Variants in DNAH11 observed in about 807,000 individuals in gnomAD.
DNAH11 encodes dynein axonemal heavy chain 11.
In DNAH11, 442 loss-of-function variants were observed where a neutral mutation model predicts 526.0. The observed-to-expected ratio is 0.84, with a 90% CI of 0.78 to 0.91. The LOEUF (loss-of-function observed/expected upper bound fraction) is 0.91, where lower values mean the gene tolerates loss of function less well. DNAH11 is among the 40% of genes least tolerant of loss of function. The pLI, the probability that DNAH11 is intolerant of heterozygous loss-of-function variation, is 0.00. For missense variants in DNAH11, 6,989 were observed against 5,448.7 expected (o/e 1.28, Z -8.90); for synonymous variants, 2,461 against 1,935.9 (o/e 1.27, Z -7.12).
intron 75 of DNAH11, among the ~76,000 whole-genome samples, chr7:21,882,692 G>A (rs1341393494): frequency 2.0e-5 from 3 of 152,118 alleles, no homozygotes; most frequent in Non-Finnish European, 4.4e-5. Context: ...AGCTATTTAG[G>A]AGACTGAGGT....
chr7:21,834,039 G>A (rs11973100), intron 65 of DNAH11, among the ~76,000 whole-genome samples: 11,324 of 152,082 alleles, frequency 0.074, 1,293 homozygotes, highest in African/African-American at 0.25. Context: ...ACCCAATAGC[G>A]CAGAATATAT....
At chr7:21,593,505 ATGTT>A (rs1181386728) in intron 14 of DNAH11, among the ~76,000 whole-genome samples, 1 of 152,122 alleles carries the variant, frequency 6.6e-6, no homozygotes, top group Admixed American at 6.6e-5. Flanking sequence ...ATGTTTCAGG[ATGTT>A]TGTATGTTAA....
intron 55 of DNAH11, among the ~76,000 whole-genome samples, chr7:21,769,271 G>A (rs2127976218): frequency 6.6e-6 from 1 of 152,164 alleles, no homozygotes. Context: ...GACCTCATAA[G>A]TAGGGTCCAG....
chr7:21,891,779 G>A (rs1784334968), intron 76 of DNAH11, among the ~76,000 whole-genome samples: 1 of 152,118 alleles, frequency 6.6e-6, no homozygotes, highest in Non-Finnish European at 1.5e-5. Context: ...ACTTTGCTGT[G>A]AGTAGCTCAA....
At chr7:21,793,258 T>G (rs1336817475) in intron 61 of DNAH11, among the ~76,000 whole-genome samples, 1 of 152,220 alleles carries the variant, frequency 6.6e-6, no homozygotes, top group African/African-American at 2.4e-5. Flanking sequence ...TTTTTTGAAT[T>G]TGTAGAGACC....
intron 54 of DNAH11, among the ~76,000 whole-genome samples, chr7:21,758,280 A>C (rs1048393066): frequency 6.6e-6 from 1 of 152,368 alleles, no homozygotes; most frequent in Non-Finnish European, 1.5e-5. Context: ...GAGAAAGACA[A>C]AAGGTGCAAC....
chr7:21,713,245 C>T (rs749378441), intron 42 of DNAH11, among the ~76,000 whole-genome samples: 4 of 152,182 alleles, frequency 2.6e-5, no homozygotes, highest in Non-Finnish European at 5.9e-5. Context: ...CTGTTTACCT[C>T]TCTGGACACA....
chr7:21,648,560 G>A (rs1260833287), intron 28 of DNAH11, among the ~76,000 whole-genome samples: 1 of 152,162 alleles, frequency 6.6e-6, no homozygotes, highest in East Asian at 1.9e-4. Flanking sequence ...CATGAGAGAA[G>A]CCACCGATCA....
intron 61 of DNAH11, 125 bp downstream of exon 61, chr7:21,789,467 G>C: frequency 3.2e-6 from 2 of 617,616 alleles, no homozygotes; most frequent in Non-Finnish European, 5.7e-6. Flanking sequence ...GATCTTCCAT[G>C]AGTGTATTTC....
At chr7:21,850,065 A>G (rs1782564916) in intron 66 of DNAH11, among the ~76,000 whole-genome samples, 1 of 151,748 alleles carries the variant, frequency 6.6e-6, no homozygotes, top group African/African-American at 2.4e-5. Context: ...GCCCGTCAAA[A>G]ACATTCTTCA....
chr7:21,810,120 C>T (rs187726566), intron 63 of DNAH11, among the ~76,000 whole-genome samples: 40 of 152,230 alleles, frequency 2.6e-4, no homozygotes, highest in Admixed American at 1.4e-3. Context: ...TAAAGTGTAG[C>T]ATTTTATATG....
intron 76 of DNAH11, among the ~76,000 whole-genome samples, chr7:21,890,326 T>C (rs893403089): frequency 6.6e-6 from 1 of 152,210 alleles, no homozygotes; most frequent in Non-Finnish European, 1.5e-5. Context: ...GTCACATGTC[T>C]ATAAAGACTG....
chr7:21,631,720 G>A (rs1378749821), intron 25 of DNAH11, among the ~76,000 whole-genome samples: 1 of 152,218 alleles, frequency 6.6e-6, no homozygotes, highest in East Asian at 1.9e-4. Context: ...CGCCTCTGTG[G>A]CTTTTTGGGG....
intron 2 of DNAH11, among the ~76,000 whole-genome samples, 191 bp from the exon 3 acceptor site, chr7:21,558,611 C>T (rs1783315053): frequency 6.6e-6 from 1 of 152,192 alleles, no homozygotes; most frequent in Non-Finnish European, 1.5e-5. Context: ...TATGCTAATT[C>T]CACTTTGACA....
At chr7:21,774,929 C>T (rs1296898960) in intron 56 of DNAH11, among the ~76,000 whole-genome samples, 1 of 152,174 alleles carries the variant, frequency 6.6e-6, no homozygotes, top group Non-Finnish European at 1.5e-5. Flanking sequence ...GTCAGACTCT[C>T]ATATGCTTTA....
chr7:21,750,440 T>C, intron 54 of DNAH11, 76 bp downstream of exon 54: 1 of 1,517,034 alleles, frequency 6.6e-7, no homozygotes, highest in Non-Finnish European at 8.9e-7. Flanking sequence ...CTGAGTTTTT[T>C]ATTATGAGTT....
intron 57 of DNAH11, among the ~76,000 whole-genome samples, chr7:21,780,359 A>G (rs570736550): frequency 1.5e-4 from 23 of 152,292 alleles, no homozygotes; most frequent in African/African-American, 5.3e-4. Flanking sequence ...TGCCTGGACA[A>G]CATAATGAGA....
chr7:21,694,046 G>A (rs1004545406), intron 35 of DNAH11, among the ~76,000 whole-genome samples: 2 of 152,124 alleles, frequency 1.3e-5, no homozygotes, highest in Non-Finnish European at 2.9e-5. Flanking sequence ...GAAGAATGGG[G>A]AAAATCTGCT....
chr7:21,789,808 T>TCTTTCTTCTTTCTTTCTTTC lies in DNAH11; in HGVS notation c.10026+466_10026+467insCTTTCTTCTTTCTTTCTTTC. Among the ~76,000 whole-genome samples, 18 of 34,126 alleles carry TCTTTCTTCTTTCTTTCTTTC rather than the reference T, an allele frequency of 5.3e-4. 1 individual carries two copies. The highest frequency in any genetic ancestry group is 1.9e-3 in the East Asian group (3 of 1,612). The allele number at this position is 34,126 out of a possible 152,430, so 22.4% of individuals were successfully genotyped here. ...TTCTTTCTTTCTTTCTTTCTTTCTT[T>TCTTTCTTCTTTCTTTCTTTC]TTTCTTTCTTTCTTTCTTTCTTTCT... On this transcript the variant is annotated intron_variant, in intron 61 of 81. Coordinates refer to ENST00000409508, the MANE Select transcript of DNAH11 (RefSeq NM_001277115.2).
Sources: gnomAD v4.1 joint callset for allele counts (sites outside exome capture counted in the v4.1 genomes callset) on GRCh38, gnomAD v4.1.1 for gene constraint, MANE v1.5 for transcripts, NCBI Gene and HGNC (gene_info 2026-07-23, HGNC 2026-07-21) for gene names.